Variants in GLI2 observed in about 807,000 individuals in gnomAD.
The protein encoded by GLI2 is transcription activator GLI2.
Under a neutral mutation model 78.9 loss-of-function variants are expected in GLI2, and 22 were observed. The ratio of observed to expected loss-of-function variants is 0.28; its 90% CI spans 0.20 to 0.40. The LOEUF (loss-of-function observed/expected upper bound fraction) is 0.40, where lower values mean the gene tolerates loss of function less well. Ranked by LOEUF, GLI2 falls within the 10% of genes least tolerant of loss-of-function variation. The pLI, the probability that GLI2 is intolerant of heterozygous loss-of-function variation, is 1.00. For missense variants in GLI2, 2,097 were observed against 2,213.2 expected (o/e 0.95, Z 1.05); for synonymous variants, 974 against 963.7 (o/e 1.01, Z -0.20).
rs940614220 is a variant in GLI2, at chr2:120,951,550, G to T, written c.457+105G>T. 15 of 711,322 alleles carry T rather than the reference G, an allele frequency of 2.1e-5. No homozygotes were observed. The Admixed American group carries it at 4.2e-4, about 20-fold the overall frequency. 44.1% of individuals were successfully genotyped at this position (711,322 alleles called of 1,614,324 possible). A position where few individuals can be genotyped will look rare whatever the true frequency, so the allele number is the denominator to read the frequency against. On this transcript the variant is annotated intron_variant, in intron 4 of 13. Coordinates refer to ENST00000361492, the MANE Select transcript of GLI2 (RefSeq NM_001374353.1). ...TCAACTCCTCAGCCTTGGTCCCCTT[G>T]AATGGTGACCAGGCTGGCTGGCGTT...
intron 2 of GLI2, among the ~76,000 whole-genome samples, chr2:120,842,278 T>G (rs1686922832): frequency 6.6e-6 from 1 of 152,172 alleles, no homozygotes; most frequent in Non-Finnish European, 1.5e-5. Flanking sequence ...TTGTTTATAT[T>G]TATATATGTG....
At chr2:120,923,259 C>CAT (rs1218902983) in intron 2 of GLI2, among the ~76,000 whole-genome samples, 2 of 122,004 alleles carry the variant, frequency 1.6e-5, no homozygotes, top group East Asian at 2.6e-4. Flanking sequence ...ACAGCACACA[C>CAT]ATACACAGCA....
At chr2:120,959,463 C>G (rs962525564) in intron 5 of GLI2, among the ~76,000 whole-genome samples, 4 of 152,212 alleles carry the variant, frequency 2.6e-5, no homozygotes, top group African/African-American at 9.6e-5. Context: ...CCAGGATTAT[C>G]TCCTATTTTT....
intron 1 of GLI2, among the ~76,000 whole-genome samples, chr2:120,746,332 G>A (rs961826819): frequency 4.6e-5 from 7 of 152,320 alleles, no homozygotes; most frequent in East Asian, 1.9e-4. Flanking sequence ...GTGCCTGGCC[G>A]TGGGCATCAG....
intron 2 of GLI2, among the ~76,000 whole-genome samples, chr2:120,874,306 A>G (rs374612257): frequency 1.3e-4 from 20 of 152,314 alleles, no homozygotes; most frequent in African/African-American, 4.8e-4. Context: ...TTTATTTTCC[A>G]AAGAGAAAAA....
intron 5 of GLI2, among the ~76,000 whole-genome samples, chr2:120,960,199 T>C (rs1681479295): frequency 6.6e-6 from 1 of 152,186 alleles, no homozygotes; most frequent in Non-Finnish European, 1.5e-5. Context: ...AGCGCAGCCC[T>C]GTGTGAGTTC....
In GLI2 at chr2:120,898,335, C is replaced by T. The variant is rs192405711; in HGVS notation, c.149-29026C>T. ...TCTCTGTAAACATGTGTTGTATTTA[C>T]AGTGAAAATAAATATCTAAATAAAT... On this transcript the variant is annotated intron_variant, in intron 2 of 13. Coordinates refer to ENST00000361492, the MANE Select transcript of GLI2 (RefSeq NM_001374353.1). Among the ~76,000 whole-genome samples the T allele has an allele frequency of 7.2e-4, 109 of 152,242 alleles. 3 individuals are homozygous for T. Among genetic ancestry groups the T allele is most frequent in the Admixed American group, 5.8e-3 (88 of 15,292 alleles).
intron 1 of GLI2, among the ~76,000 whole-genome samples, chr2:120,765,043 C>T (rs1009583580): frequency 6.6e-6 from 1 of 152,170 alleles, no homozygotes; most frequent in Non-Finnish European, 1.5e-5. Flanking sequence ...ATGTGGTGAG[C>T]GCCACCTTAG....
chr2:120,923,003 G>A (rs1679456830), intron 2 of GLI2, among the ~76,000 whole-genome samples: 1 of 152,014 alleles, frequency 6.6e-6, no homozygotes, highest in African/African-American at 2.4e-5. Flanking sequence ...GCCTCTTTCT[G>A]GAAGCCTCAG....
chr2:120,783,664 T>A (rs1389101294), intron 1 of GLI2, among the ~76,000 whole-genome samples: 2 of 151,996 alleles, frequency 1.3e-5, no homozygotes, highest in Non-Finnish European at 2.9e-5. Flanking sequence ...ATCAGTAGGG[T>A]GTGTCCTTAG....
intron 2 of GLI2, among the ~76,000 whole-genome samples, chr2:120,838,658 G>C (rs1453877270): frequency 6.6e-6 from 1 of 152,180 alleles, no homozygotes; most frequent in Non-Finnish European, 1.5e-5. Flanking sequence ...TTACACTCAT[G>C]CACCCCATAA....
In GLI2 at chr2:120,754,635, G is replaced by A. The variant is rs577436411; in HGVS notation, c.-31+18350G>A. Among the ~76,000 whole-genome samples, 8 of 152,186 alleles carry A rather than the reference G, an allele frequency of 5.3e-5. No individual in the cohort carries two copies. The East Asian group carries it at 1.2e-3, about 22-fold the overall frequency. On this transcript the variant is annotated intron_variant, in intron 1 of 13. Transcript: ENST00000361492. ...ATTGCTGAGTAGTAGTTCATCATACGGATATATCATAATTTGTTTGTCCAG... is the reference window on the plus strand; with the variant it reads ...ATTGCTGAGTAGTAGTTCATCATACAGATATATCATAATTTGTTTGTCCAG...
intron 2 of GLI2, among the ~76,000 whole-genome samples, chr2:120,911,726 G>A (rs540143160): frequency 6.6e-6 from 1 of 152,234 alleles, no homozygotes; most frequent in African/African-American, 2.4e-5. Flanking sequence ...CTGCGGTGGA[G>A]GGGGGTGGCA....
chr2:120,856,163 C>T (rs140531196), intron 2 of GLI2, among the ~76,000 whole-genome samples: 59 of 152,276 alleles, frequency 3.9e-4, no homozygotes, highest in African/African-American at 1.3e-3. Context: ...CTGTCCATCC[C>T]GCACTTATTT....
chr2:120,834,638 A>G (rs1398200687), intron 2 of GLI2, among the ~76,000 whole-genome samples: 1 of 152,186 alleles, frequency 6.6e-6, no homozygotes, highest in East Asian at 1.9e-4. Context: ...ACAAGAAAGT[A>G]GAGTTAATAC....
Position 120,989,533 on chromosome 2 carries a change from C to T in GLI2, c.3568C>T (p.Pro1190Ser), listed in dbSNP as rs1400303256. The change falls in exon 14 of 14, where the codon CCC becomes TCC. Residue 1190 changes from proline to serine, a missense_variant. Physicochemically the swap from Pro to Ser is moderately conservative, Grantham distance 74. Coordinates refer to ENST00000361492, the MANE Select transcript of GLI2 (RefSeq NM_001374353.1). ...GLDSTQPHLQ[P>S]RSGAPSQGIP... ...GGACAGCACGCAGCCACACCTGCAG[C>T]CCCGCAGCGGAGCCCCCTCCCAGGG... 1 of 1,612,410 alleles carries T rather than the reference C, an allele frequency of 6.2e-7. No homozygotes were observed. Among genetic ancestry groups the T allele is most frequent in the East Asian group, 2.2e-5 (1 of 44,834 alleles).
At chr2:120,895,086 C>T (rs1470093641) in intron 2 of GLI2, among the ~76,000 whole-genome samples, 1 of 152,208 alleles carries the variant, frequency 6.6e-6, no homozygotes, top group Non-Finnish European at 1.5e-5. Flanking sequence ...CCGGTGGAGG[C>T]TTGGGCCACC....
At chr2:120,878,867 G>T (rs1237736612) in intron 2 of GLI2, among the ~76,000 whole-genome samples, 1 of 151,796 alleles carries the variant, frequency 6.6e-6, no homozygotes, top group Non-Finnish European at 1.5e-5. Context: ...GGCAGAGGTT[G>T]CAGTGAACCG....
intron 1 of GLI2, among the ~76,000 whole-genome samples, chr2:120,740,413 G>C (rs993013107): frequency 5.3e-5 from 8 of 150,232 alleles, no homozygotes; most frequent in Non-Finnish European, 1.0e-4. Flanking sequence ...TGTTTTGTGT[G>C]TGTGCTTGCA....
Sources: allele counts gnomAD v4.1 joint callset (sites outside exome capture counted in the v4.1 genomes callset), GRCh38; gene constraint gnomAD v4.1.1; transcripts MANE v1.5; gene names NCBI Gene and HGNC (gene_info 2026-07-23, HGNC 2026-07-21).